Variants in SLC12A5 observed in about 807,000 individuals in gnomAD.
SLC12A5 encodes the protein K-Cl cotransporter 2.
In SLC12A5, 18 loss-of-function variants were observed where a neutral mutation model predicts 124.0. The ratio of observed to expected loss-of-function variants is 0.15; its 90% CI spans 0.10 to 0.22. The LOEUF is 0.22. Ranked by LOEUF, SLC12A5 falls within the 10% of genes least tolerant of loss-of-function variation. The pLI is 1.00. For synonymous variants in SLC12A5, 589 were observed against 568.0 expected (o/e 1.04, Z -0.53); for missense variants, 867 against 1,478.7 (o/e 0.59, Z 6.78).
chr20:46,030,969 AG>A (rs1208774644), intron 1 of SLC12A5, among the ~76,000 whole-genome samples: 1 of 151,630 alleles, frequency 6.6e-6, no homozygotes, highest in Non-Finnish European at 1.5e-5. Flanking sequence ...CCGGAGGGGG[AG>A]GGGGTTTGGC....
Position 46,056,747 on chromosome 20 carries a change from C to T in SLC12A5, c.3111-150C>T, listed in dbSNP as rs1173041336. 5 of 1,118,344 alleles carry T rather than the reference C, an allele frequency of 4.5e-6. No individual in the cohort carries two copies. The highest frequency in any genetic ancestry group is 3.1e-5 in the African/African-American group (2 of 64,634). 69.3% of individuals were successfully genotyped at this position (1,118,344 alleles called of 1,614,324 possible). A position where few individuals can be genotyped will look rare whatever the true frequency, so the allele number is the denominator to read the frequency against. Reference sequence around the variant, plus strand: ...GCCCCATTGCTAAGTCTCAGAATTCCCAGTTGCAGGCAGCGGAAAGGTGAA... The same window carrying T: ...GCCCCATTGCTAAGTCTCAGAATTCTCAGTTGCAGGCAGCGGAAAGGTGAA... On this transcript the variant is annotated intron_variant, in intron 23 of 25. Transcript: ENST00000243964. The surrounding 1 kb of genome is among the most constrained non-coding windows in gnomAD (Gnocchi z 4.3).
intron 16 of SLC12A5, among the ~76,000 whole-genome samples, chr20:46,048,709 A>G (rs1011707704): frequency 6.6e-6 from 1 of 152,074 alleles, no homozygotes; most frequent in Non-Finnish European, 1.5e-5. Flanking sequence ...CATCTGTGCT[A>G]AAAATACAAA....
chr20:46,053,933 G>T lies in SLC12A5; in HGVS notation c.2679+224G>T, dbSNP rs984058586. Among the ~76,000 whole-genome samples, 1 of 152,146 alleles carries T rather than the reference G, an allele frequency of 6.6e-6. No homozygotes were observed. Among genetic ancestry groups the T allele is most frequent in the Non-Finnish European group, 1.5e-5 (1 of 68,028 alleles). On this transcript the variant is annotated intron_variant, in intron 20 of 25. Coordinates refer to ENST00000243964, the MANE Select transcript of SLC12A5 (RefSeq NM_020708.5). This position sits in a 1 kb window ranked among gnomAD's most constrained non-coding sequence, Gnocchi z 4.7. ...AGGCACTGTTCTATGCACTTTATATGTACATAAATTCCAACAACGACCAAT... is the reference window on the plus strand; with the variant it reads ...AGGCACTGTTCTATGCACTTTATATTTACATAAATTCCAACAACGACCAAT...
At chr20:46,036,682 C>A in intron 4 of SLC12A5, 59 bp from the exon 5 acceptor site, 1 of 1,589,854 alleles carries the variant, frequency 6.3e-7, no homozygotes, top group South Asian at 1.1e-5. Context: ...GCTTGGCCCC[C>A]ACCCAGGCCA....
chr20:46,046,272 T>G, intron 13 of SLC12A5, 66 bp from the exon 14 acceptor site: 1 of 1,391,132 alleles, frequency 7.2e-7, no homozygotes, highest in Non-Finnish European at 1.0e-6. Flanking sequence ...TCTCTGCCCA[T>G]GCTGTTGTTT....
In SLC12A5 at chr20:46,035,483, G is replaced by T. The variant is rs1262361628; in HGVS notation, c.227G>T (p.Arg76Met). ...TACACCAACCTGCCCCAGGGAAGTAGGGAGCATGAAGAGGCAGAAAACAAT... is the reference window on the plus strand; with the variant it reads ...TACACCAACCTGCCCCAGGGAAGTATGGAGCATGAAGAGGCAGAAAACAAT... ...ANYTNLPQGSREHEEAENNEG... is the reference protein window; with the variant it reads ...ANYTNLPQGSMEHEEAENNEG... The change falls in exon 3 of 26, where the codon AGG becomes ATG. Residue 76 changes from arginine (R) to methionine (M), a missense_variant. Transcript: ENST00000243964. 1 of 1,613,926 alleles carries T rather than the reference G, an allele frequency of 6.2e-7. No individual in the cohort carries two copies. Among genetic ancestry groups the T allele is most frequent in the Non-Finnish European group, 8.5e-7 (1 of 1,179,966 alleles).
chr20:46,044,781 G>A (rs1027335163), intron 11 of SLC12A5, 185 bp from the exon 12 acceptor site: 3 of 676,856 alleles, frequency 4.4e-6, no homozygotes, highest in Admixed American at 2.9e-5. Flanking sequence ...TCAGTATCAG[G>A]AAATTAGAGA....
At chr20:46,041,605 G>C in intron 8 of SLC12A5, 65 bp downstream of exon 8, 2 of 1,544,250 alleles carry the variant, frequency 1.3e-6, no homozygotes, top group Non-Finnish European at 1.8e-6. Context: ...AAGCGGTCAG[G>C]ATTAAGGGGC....
upstream of SLC12A5, among the ~76,000 whole-genome samples, chr20:46,026,006 C>A (rs1296737510): frequency 1.3e-5 from 2 of 152,144 alleles, no homozygotes; most frequent in African/African-American, 2.4e-5. Flanking sequence ...CCAACCAGCC[C>A]CTTGTCCTGG....
At chr20:46,030,870 A>G (rs1409941317) in intron 1 of SLC12A5, among the ~76,000 whole-genome samples, 1 of 148,846 alleles carries the variant, frequency 6.7e-6, no homozygotes, top group Non-Finnish European at 1.5e-5. Context: ...TACAGGTGCC[A>G]GAACTCCTAG....
Position 46,059,788 on chromosome 20 carries a change from T to C in SLC12A5, c.*2183T>C. 1 of 397,460 alleles carries C rather than the reference T, an allele frequency of 2.5e-6. No individual in the cohort carries two copies. Among genetic ancestry groups the C allele is most frequent in the Non-Finnish European group, 4.4e-6 (1 of 225,552 alleles). The allele number at this position is 397,460 out of a possible 1,614,324, so 24.6% of individuals were successfully genotyped here. ...CAAGTGACTTTTATTCTGAGTGCAA[T>C]ATTTCAATAGCCTTGTAGTGATAAC... On this transcript the variant is annotated 3_prime_UTR_variant, in exon 26 of 26. Transcript: ENST00000243964.
upstream of SLC12A5, among the ~76,000 whole-genome samples, chr20:46,027,125 G>A (rs1175656196): frequency 2.0e-5 from 3 of 152,226 alleles, no homozygotes; most frequent in South Asian, 6.2e-4. Context: ...CTGTGTGTGT[G>A]TAGAGTGGAG....
In SLC12A5 at chr20:46,057,680, T is replaced by C; in HGVS notation, c.*75T>C. 1 of 1,161,376 alleles carries C rather than the reference T, an allele frequency of 8.6e-7. No individual in the cohort carries two copies. The highest frequency in any genetic ancestry group is 1.2e-6 in the Non-Finnish European group (1 of 820,026). The allele number at this position is 1,161,376 out of a possible 1,614,324, so 71.9% of individuals were successfully genotyped here. ...GAGCCCTCGCCGCGCCCCCCGCCGC[T>C]GTCACCGTTTACATACAGACCCTGT... is the stretch of plus-strand genomic sequence containing the variant. On this transcript the variant is annotated 3_prime_UTR_variant, in exon 26 of 26. Coordinates refer to ENST00000243964, the MANE Select transcript of SLC12A5 (RefSeq NM_020708.5). The surrounding 1 kb of genome is among the most constrained non-coding windows in gnomAD (Gnocchi z 7.1).
At chr20:46,036,910 TG>T in intron 5 of SLC12A5, 115 bp downstream of exon 5, 3 of 1,359,820 alleles carry the variant, frequency 2.2e-6, no homozygotes, top group Non-Finnish European at 3.1e-6. Context: ...ACTAGGGGGC[TG>T]GGCTGTATCT....
chr20:46,041,280 G>C, intron 7 of SLC12A5, 49 bp from the exon 8 acceptor site: 1 of 1,561,804 alleles, frequency 6.4e-7, no homozygotes, highest in Non-Finnish European at 8.8e-7. Context: ...TGTGCAGCGA[G>C]GGCAAGGTTA....
At chr20:46,055,964 A>G (rs2084686910) in intron 21 of SLC12A5, 186 bp from the exon 22 acceptor site, 2 of 749,286 alleles carry the variant, frequency 2.7e-6, no homozygotes, top group Non-Finnish European at 4.2e-6. Flanking sequence ...GGGGTTCTGG[A>G]GAGGAGGTGG....
chr20:46,052,674 A>G (rs925527591), intron 18 of SLC12A5, among the ~76,000 whole-genome samples: 4 of 152,234 alleles, frequency 2.6e-5, no homozygotes, highest in Non-Finnish European at 5.9e-5. Context: ...GTGTGGTCAT[A>G]CATGATGGGC....
intron 8 of SLC12A5, 42 bp downstream of exon 8, chr20:46,041,582 G>A (rs370303500): frequency 1.7e-5 from 28 of 1,605,158 alleles, no homozygotes; most frequent in Non-Finnish European, 2.2e-5. Flanking sequence ...GAACGCTGCA[G>A]GGATTGTAGG....
rs530730055 is a variant in SLC12A5 at position 46,022,416 on chromosome 20, G to C, written c.49-514G>C. 5.9e-5 allele frequency among the ~76,000 whole-genome samples: 8 copies of C among 134,528 alleles called. No homozygotes were observed. The South Asian group carries it at 2.3e-3, about 39-fold the overall frequency. 88.3% of individuals were successfully genotyped at this position (134,528 alleles called of 152,430 possible). A position where few individuals can be genotyped will look rare whatever the true frequency, so the allele number is the denominator to read the frequency against. On this transcript the variant is annotated intron_variant, in intron 1 of 2. Coordinates refer to the SLC12A5 transcript ENST00000413737. Reference sequence around the variant, plus strand: ...AGGAGGATGGGAGTGGGGCCTGGGAGGGGGGTGGGGTCGAGGGCGGGAGGA... The same window carrying C: ...AGGAGGATGGGAGTGGGGCCTGGGACGGGGGTGGGGTCGAGGGCGGGAGGA...
Sources: allele counts gnomAD v4.1 joint callset (sites outside exome capture counted in the v4.1 genomes callset), GRCh38; gene constraint gnomAD v4.1.1; non-coding constraint Gnocchi (gnomAD v3.1); transcripts MANE v1.5; gene names NCBI Gene and HGNC (gene_info 2026-07-23, HGNC 2026-07-21).